RADIL: variants seen among roughly 807,000 people sequenced by gnomAD.
The protein encoded by RADIL is Rap associating with DIL domain.
RADIL carries 99 observed loss-of-function variants against 97.6 expected under a neutral mutation model. The observed-to-expected ratio is 1.01, with a 90% CI of 0.86 to 1.20. RADIL has a LOEUF of 1.20. RADIL is among the 50% of genes most tolerant of loss of function. The probability of loss-of-function intolerance (pLI) is 0.00; values close to 1 mark genes in which losing one functional copy is unlikely to be tolerated. For missense variants in RADIL, 1,765 were observed against 1,498.9 expected (o/e 1.18, Z -2.93); for synonymous variants, 803 against 691.8 (o/e 1.16, Z -2.52).
chr7:4,876,440 A>G (rs146295716), intron 2 of RADIL, among the ~76,000 whole-genome samples: 4,408 of 152,082 alleles, frequency 0.029, 211 homozygotes, highest in African/African-American at 0.1. Flanking sequence ...AGCTGGGATT[A>G]CAGGCGCCTG....
At chr7:4,860,737 C>T (rs1381241960) in intron 2 of RADIL, 1 of 1,614,026 alleles carries the variant, frequency 6.2e-7, no homozygotes, top group Non-Finnish European at 8.5e-7. Flanking sequence ...GTTTGGACCA[C>T]TCTGCCTTAC....
At position 4,834,690 on chromosome 7, in the gene RADIL, G is replaced by A. The variant is rs781604229; in HGVS notation, c.1333C>T (p.Gln445Ter). ...TPAFLLCLCI[Q>*]HSATHFQPGT... The stretch of plus-strand genomic sequence containing the variant: ...GGCTGGAAGTGGGTGGCCGAGTGCT[G>A]GATGCAGAGGCACAGGAGGAAGGCG... Residue 445 changes from glutamine to a stop codon, truncating the protein, a stop_gained, in exon 4 of 15, where the codon CAG becomes TAG. Coordinates refer to ENST00000399583, the MANE Select transcript of RADIL (RefSeq NM_018059.5). LOFTEE classifies it high-confidence loss of function. This position sits in a 1 kb window ranked among gnomAD's most constrained non-coding sequence, Gnocchi z 6.0. The A allele has an allele frequency of 7.2e-7, 1 of 1,394,140 alleles. No homozygotes were observed. Among genetic ancestry groups the A allele is most frequent in the Admixed American group, 2.8e-5 (1 of 35,742 alleles). 86.4% of individuals were successfully genotyped at this position (1,394,140 alleles called of 1,614,324 possible).
chr7:4,817,956 GGGC>G lies in RADIL; in HGVS notation c.1616-608_1616-606del. Among the ~76,000 whole-genome samples the G allele has an allele frequency of 6.6e-6, 1 of 152,228 alleles. No homozygotes were observed. Among genetic ancestry groups the G allele is most frequent in the Non-Finnish European group, 1.5e-5 (1 of 68,040 alleles). On this transcript the variant is annotated intron_variant, in intron 6 of 14. Coordinates refer to ENST00000399583, the MANE Select transcript of RADIL (RefSeq NM_018059.5). This position sits in a 1 kb window ranked among gnomAD's most constrained non-coding sequence, Gnocchi z 8.3. ...CCCAACAGGGTGGAGCCTTCCCCGG[GGGC>G]TTCCAGAAAGTGAGGGAGCATGTGG...
intron 5 of RADIL, among the ~76,000 whole-genome samples, chr7:4,825,806 C>G (rs117402822): frequency 7.1e-6 from 1 of 141,448 alleles, no homozygotes; most frequent in Middle Eastern, 3.8e-3. Flanking sequence ...AACCAGGACC[C>G]GGGAGGTGGA....
At position 4,840,457 on chromosome 7, in the gene RADIL, T is replaced by C. The variant is rs111502817; in HGVS notation, c.536-3852A>G. ...CAGAAGCATCGCATGGCGCCATCGC[T>C]AGACACACAGCGTGGAGTTGTCAAG... is the stretch of plus-strand genomic sequence containing the variant. On this transcript the variant is annotated intron_variant, in intron 2 of 14. Transcript: ENST00000399583. This position sits in a 1 kb window ranked among gnomAD's most constrained non-coding sequence, Gnocchi z 5.6. Among the ~76,000 whole-genome samples, 934 of 152,206 alleles carry C rather than the reference T, an allele frequency of 6.1e-3. 7 individuals are homozygous for C. Among genetic ancestry groups the C allele is most frequent in the African/African-American group, 0.021 (888 of 41,530 alleles).
chr7:4,867,037 C>G lies in RADIL; in HGVS notation c.535+10568G>C, dbSNP rs1784146789. The stretch of plus-strand genomic sequence containing the variant: ...CCTTTTCTGCCATGTGATGACGCAG[C>G]ACAGAAGCCCTCACCAGAAGCCAGG... On this transcript the variant is annotated intron_variant, in intron 2 of 14. Coordinates refer to ENST00000399583, the MANE Select transcript of RADIL (RefSeq NM_018059.5). The surrounding 1 kb of genome is among the most constrained non-coding windows in gnomAD (Gnocchi z 4.1). Among the ~76,000 whole-genome samples, 1 of 152,184 alleles carries G rather than the reference C, an allele frequency of 6.6e-6. No individual in the cohort carries two copies. Among genetic ancestry groups the G allele is most frequent in the Admixed American group, 6.5e-5 (1 of 15,276 alleles).
At chr7:4,865,695 A>G in intron 2 of RADIL, 5 of 992,196 alleles carry the variant, frequency 5.0e-6, no homozygotes. Context: ...TCAAATTGGC[A>G]GCATCTGTGA....
At chr7:4,841,547 G>A (rs1335941738) in intron 2 of RADIL, among the ~76,000 whole-genome samples, 1 of 152,194 alleles carries the variant, frequency 6.6e-6, no homozygotes, top group African/African-American at 2.4e-5. Context: ...TCCTGCAGAG[G>A]AAGCCGGCGG....
rs900703981 is a variant in RADIL at position 4,822,640 on chromosome 7, G to A, written c.1455-86C>T. On this transcript the variant is annotated intron_variant, in intron 5 of 14. Transcript: ENST00000399583. The surrounding 1 kb of genome is among the most constrained non-coding windows in gnomAD (Gnocchi z 5.3). ...CCACTCTTTCTACATAAGGATGCGC[G>A]TTTTCATGGGACGCTGACAACAACT... The A allele has an allele frequency of 1.3e-5, 19 of 1,437,936 alleles. No homozygotes were observed. Among genetic ancestry groups the A allele is most frequent in the East Asian group, 6.9e-5 (3 of 43,730 alleles). 89.1% of individuals were successfully genotyped at this position (1,437,936 alleles called of 1,614,324 possible).
chr7:4,824,062 C>G lies in RADIL; in HGVS notation c.1455-1508G>C, dbSNP rs1782907660. On this transcript the variant is annotated intron_variant, in intron 5 of 14. Transcript: ENST00000399583. The surrounding 1 kb of genome is among the most constrained non-coding windows in gnomAD (Gnocchi z 6.7). Reference sequence around the variant, plus strand: ...AGTGAGCAGAAGGCCGTGTGTGCCCCTGAGCAGTGAGCAGAAGGGATCCTT... The same window carrying G: ...AGTGAGCAGAAGGCCGTGTGTGCCCGTGAGCAGTGAGCAGAAGGGATCCTT... Among the ~76,000 whole-genome samples the G allele has an allele frequency of 6.6e-6, 1 of 152,206 alleles. No homozygotes were observed. Among genetic ancestry groups the G allele is most frequent in the African/African-American group, 2.4e-5 (1 of 41,466 alleles).
At chr7:4,851,995 G>T (rs1481128716) in intron 2 of RADIL, among the ~76,000 whole-genome samples, 1 of 152,214 alleles carries the variant, frequency 6.6e-6, no homozygotes, top group Admixed American at 6.5e-5. Flanking sequence ...AGGACCTCAA[G>T]GAAGTTCAAG....
At chr7:4,861,877 C>A in intron 2 of RADIL, 1 of 551,576 alleles carries the variant, frequency 1.8e-6, no homozygotes, top group South Asian at 4.7e-5. Context: ...CCGCCCGGGT[C>A]ATGATCCGCT....
At chr7:4,816,836 T>C (rs1782691132) in intron 7 of RADIL, among the ~76,000 whole-genome samples, 1 of 152,150 alleles carries the variant, frequency 6.6e-6, no homozygotes, top group African/African-American at 2.4e-5. Flanking sequence ...GCACCCCCGA[T>C]GCACCCCAAG....
At chr7:4,851,066 A>T (rs993110256) in intron 2 of RADIL, among the ~76,000 whole-genome samples, 8 of 152,114 alleles carry the variant, frequency 5.3e-5, no homozygotes, top group African/African-American at 1.7e-4. Flanking sequence ...GTAGCCGGGC[A>T]TGGTGGCACA....
chr7:4,830,560 A>G (rs1399579878), intron 5 of RADIL, among the ~76,000 whole-genome samples: 1 of 152,138 alleles, frequency 6.6e-6, no homozygotes, highest in East Asian at 1.9e-4. Context: ...AAGGCTCAAA[A>G]GAGGGCCTCG....
intron 5 of RADIL, among the ~76,000 whole-genome samples, chr7:4,830,786 G>A (rs994801994): frequency 3.9e-5 from 6 of 151,922 alleles, no homozygotes; most frequent in South Asian, 4.2e-4. Flanking sequence ...AGGCCGAGGC[G>A]GGTGGATCAC....
At chr7:4,807,923 TCTCCACTTCCTC>T (rs1331693267) in intron 9 of RADIL, among the ~76,000 whole-genome samples, 1 of 45,572 alleles carries the variant, frequency 2.2e-5, no homozygotes, top group Non-Finnish European at 3.9e-5. Context: ...TCCCTCCCTC[TCTCCACTTCCTC>T]CTCCCTCTCC....
intron 9 of RADIL, 79 bp from the exon 10 acceptor site, chr7:4,805,795 G>A (rs1386226903): frequency 3.9e-6 from 6 of 1,520,566 alleles, no homozygotes; most frequent in Non-Finnish European, 5.3e-6. Flanking sequence ...CTCCACAGGT[G>A]GCCTGGGGGT....
chr7:4,799,249 C>G lies in RADIL; in HGVS notation c.*129G>C, dbSNP rs1401477997. Reference sequence around the variant, plus strand: ...AGATGCATGTTATCAACAGGCATGTCCCCAGGGTGAGGCTCCCCACCCGGG... The same window carrying G: ...AGATGCATGTTATCAACAGGCATGTGCCCAGGGTGAGGCTCCCCACCCGGG... On this transcript the variant is annotated 3_prime_UTR_variant, in exon 15 of 15. Coordinates refer to ENST00000399583, the MANE Select transcript of RADIL (RefSeq NM_018059.5). 2.7e-6 allele frequency: 2 copies of G among 740,936 alleles called. No homozygotes were observed. Among genetic ancestry groups the G allele is most frequent in the African/African-American group, 3.5e-5 (2 of 57,484 alleles). The allele number at this position is 740,936 out of a possible 1,614,324, so 45.9% of individuals were successfully genotyped here.
Sources: gnomAD v4.1 joint callset for allele counts (sites outside exome capture counted in the v4.1 genomes callset) on GRCh38, gnomAD v4.1.1 for gene constraint, Gnocchi (gnomAD v3.1) non-coding constraint, MANE v1.5 for transcripts, NCBI Gene and HGNC (gene_info 2026-07-23, HGNC 2026-07-21) for gene names.